JAKMIP2: variants seen among roughly 807,000 people sequenced by gnomAD.
JAKMIP2 encodes the protein janus kinase and microtubule-interacting protein 2.
In JAKMIP2, 25 loss-of-function variants were observed where a neutral mutation model predicts 115.0. The ratio of observed to expected loss-of-function variants is 0.22; its 90% CI spans 0.16 to 0.30. JAKMIP2 has a LOEUF of 0.30. Ranked by LOEUF, JAKMIP2 falls within the 10% of genes least tolerant of loss-of-function variation. JAKMIP2 has a pLI of 1.00. For synonymous variants in JAKMIP2, 334 were observed against 343.6 expected (o/e 0.97, Z 0.31); for missense variants, 642 against 957.6 (o/e 0.67, Z 4.35).
chr5:147,664,857 G>C (rs796622518), intron 2 of JAKMIP2, among the ~76,000 whole-genome samples: 3 of 151,668 alleles, frequency 2.0e-5, no homozygotes, highest in African/African-American at 7.3e-5. Context: ...GATGTATGCT[G>C]TTATATCTCT....
rs1476527131 is a variant in JAKMIP2, at chr5:147,585,633, CTCAG to C, written c.*6070_*6073del. 1 of 152,212 alleles carries C rather than the reference CTCAG, an allele frequency of 6.6e-6. No individual in the cohort carries two copies. The highest frequency in any genetic ancestry group is 1.5e-5 in the Non-Finnish European group (1 of 68,028). The allele number at this position is 152,212 out of a possible 1,614,324, so 9.4% of individuals were successfully genotyped here. ...ACTTCAGAGGATCATTCTGGTGAAA[CTCAG>C]TCAATTTTTATTTTTCTTTCATTAA... On this transcript the variant is annotated 3_prime_UTR_variant, in exon 22 of 22. Coordinates refer to ENST00000616793, the MANE Select transcript of JAKMIP2 (RefSeq NM_001270941.2).
intron 3 of JAKMIP2, among the ~76,000 whole-genome samples, chr5:147,655,421 A>G (rs1758627519): frequency 6.6e-6 from 1 of 152,168 alleles, no homozygotes; most frequent in Non-Finnish European, 1.5e-5. Context: ...TTCCTGGTTT[A>G]GTCTTGGGAG....
chr5:147,648,191 G>C (rs1209793256), intron 5 of JAKMIP2, among the ~76,000 whole-genome samples, 185 bp downstream of exon 5: 1 of 152,132 alleles, frequency 6.6e-6, no homozygotes, highest in Admixed American at 6.6e-5. Flanking sequence ...TGAGATGCTG[G>C]TAATCTTCCA....
At chr5:147,660,709 T>C in intron 3 of JAKMIP2, 1 of 510,930 alleles carries the variant, frequency 2.0e-6, no homozygotes. Flanking sequence ...ATCCAGTTTT[T>C]ATGAGAAAGG....
At chr5:147,700,191 T>A (rs1752267726) in intron 1 of JAKMIP2, among the ~76,000 whole-genome samples, 1 of 151,824 alleles carries the variant, frequency 6.6e-6, no homozygotes, top group Non-Finnish European at 1.5e-5. Flanking sequence ...AAATTATTAG[T>A]CATAGAGTAC....
chr5:147,631,345 A>T (rs1757340017), intron 14 of JAKMIP2, 68 bp downstream of exon 14: 2 of 918,582 alleles, frequency 2.2e-6, no homozygotes, highest in Non-Finnish European at 3.4e-6. Flanking sequence ...AGTCGTAAGT[A>T]ACCTCCCCTT....
In JAKMIP2 at chr5:147,760,100, G is replaced by A. The variant is rs72835172; in HGVS notation, c.-149+22356C>T. Among the ~76,000 whole-genome samples, 667 of 152,228 alleles carry A rather than the reference G, an allele frequency of 4.4e-3. 4 individuals carry two copies. Among genetic ancestry groups the A allele is most frequent in the Non-Finnish European group, 7.7e-3 (522 of 68,000 alleles). ...CTAATGCCATTTACTAAAATGGAGA[G>A]AAAGAAGGACACGTTTGTGCTGGGG... is the stretch of plus-strand genomic sequence containing the variant. On this transcript the variant is annotated intron_variant, in intron 1 of 21. Coordinates refer to ENST00000616793, the MANE Select transcript of JAKMIP2 (RefSeq NM_001270941.2).
chr5:147,624,458 C>T (rs1205863509), intron 16 of JAKMIP2, among the ~76,000 whole-genome samples: 1 of 152,112 alleles, frequency 6.6e-6, no homozygotes, highest in Non-Finnish European at 1.5e-5. Context: ...GAAAGAAGGC[C>T]AGGTACACTG....
chr5:147,593,908 A>G (rs2126552933), intron 21 of JAKMIP2, among the ~76,000 whole-genome samples: 1 of 152,360 alleles, frequency 6.6e-6, no homozygotes, highest in Non-Finnish European at 1.5e-5. Context: ...GTTTTTAAAT[A>G]TAGAATAAAT....
intron 2 of JAKMIP2, among the ~76,000 whole-genome samples, chr5:147,663,384 A>C (rs1327256761): frequency 6.6e-6 from 1 of 152,176 alleles, no homozygotes; most frequent in Non-Finnish European, 1.5e-5. Context: ...GAAGGTGAAA[A>C]GACTAGACTC....
chr5:147,706,220 C>T (rs981420813), intron 1 of JAKMIP2, among the ~76,000 whole-genome samples: 1 of 152,118 alleles, frequency 6.6e-6, no homozygotes, highest in Non-Finnish European at 1.5e-5. Context: ...AAGACTCTTA[C>T]AGAAGTGAAT....
chr5:147,755,394 T>G (rs988367350), intron 1 of JAKMIP2, among the ~76,000 whole-genome samples: 5 of 152,162 alleles, frequency 3.3e-5, no homozygotes, highest in African/African-American at 9.7e-5. Context: ...CCAACTACTT[T>G]GGGCGCACTT....
intron 12 of JAKMIP2, among the ~76,000 whole-genome samples, chr5:147,634,213 C>T (rs1261340904): frequency 6.6e-6 from 1 of 152,142 alleles, no homozygotes; most frequent in Non-Finnish European, 1.5e-5. Flanking sequence ...TCTGCCATCC[C>T]TTTATTTTGT....
intron 9 of JAKMIP2, among the ~76,000 whole-genome samples, chr5:147,640,425 C>T (rs965206656): frequency 9.9e-5 from 15 of 152,154 alleles, no homozygotes; most frequent in Admixed American, 3.3e-4. Context: ...TGGGTTCCTA[C>T]CTTCCCTAGA....
rs145330671 is a variant in JAKMIP2 at position 147,658,098 on chromosome 5, C to G, written c.627+2850G>C. 3.5e-3 allele frequency among the ~76,000 whole-genome samples: 527 copies of G among 152,072 alleles called. 3 individuals carry two copies. Among genetic ancestry groups the G allele is most frequent in the African/African-American group, 0.012 (488 of 41,502 alleles). On this transcript the variant is annotated intron_variant, in intron 3 of 21. Transcript: ENST00000616793. ...AGGAGAAGAGGCATTCTGGCTTTTG[C>G]GATTTTCGGTGTTTTTTCCTCATCT...
intron 14 of JAKMIP2, among the ~76,000 whole-genome samples, chr5:147,630,706 G>A (rs1288911688): frequency 6.6e-6 from 1 of 152,124 alleles, no homozygotes; most frequent in Non-Finnish European, 1.5e-5. Flanking sequence ...GTGGGAGCAG[G>A]AAGGGCCATG....
chr5:147,774,051 T>G (rs1240474832), intron 1 of JAKMIP2, among the ~76,000 whole-genome samples: 1 of 152,154 alleles, frequency 6.6e-6, no homozygotes, highest in Non-Finnish European at 1.5e-5. Flanking sequence ...ATGAAGTCCT[T>G]TAAAAAGAAG....
At chr5:147,771,259 G>A (rs1755343808) in intron 1 of JAKMIP2, among the ~76,000 whole-genome samples, 1 of 152,046 alleles carries the variant, frequency 6.6e-6, no homozygotes, top group Non-Finnish European at 1.5e-5. Context: ...GGATGATCTA[G>A]AGTAAGTATT....
chr5:147,697,238 A>G (rs550917843), intron 1 of JAKMIP2, among the ~76,000 whole-genome samples: 11 of 152,262 alleles, frequency 7.2e-5, no homozygotes, highest in African/African-American at 2.4e-4. Context: ...GGTGGCAGCA[A>G]GAGAAAAATG....
Sources: gnomAD v4.1 joint callset for allele counts (sites outside exome capture counted in the v4.1 genomes callset) on GRCh38, gnomAD v4.1.1 for gene constraint, MANE v1.5 for transcripts, NCBI Gene and HGNC (gene_info 2026-07-23, HGNC 2026-07-21) for gene names.